The following FRK variants were observed in gnomAD, a reference collection of about 807,000 sequenced individuals.
FRK encodes tyrosine-protein kinase FRK.
In FRK, 51 loss-of-function variants were observed where a neutral mutation model predicts 56.4. The observed-to-expected ratio is 0.90, with a 90% CI of 0.72 to 1.14. The LOEUF is 1.14. Ranked by LOEUF, FRK falls within the 50% of genes most tolerant of loss-of-function variation. The probability of loss-of-function intolerance (pLI) is 0.00; values close to 1 mark genes in which losing one functional copy is unlikely to be tolerated. For missense variants in FRK, 570 were observed against 601.4 expected, an observed-to-expected ratio of 0.95 and a Z score of 0.55; for synonymous variants, 245 against 217.9, an observed-to-expected ratio of 1.12 and a Z score of -1.10.
At chr6:115,958,694 A>G (rs1164719130) in intron 4 of FRK, among the ~76,000 whole-genome samples, 3 of 5,334 alleles carry the variant, frequency 5.6e-4, no homozygotes, top group Non-Finnish European at 7.4e-4. Flanking sequence ...GAAAGAAAGA[A>G]AGAAAGAAAG....
intron 1 of FRK, among the ~76,000 whole-genome samples, chr6:116,041,742 C>T (rs185836482): frequency 1.0e-3 from 155 of 152,350 alleles, no homozygotes; most frequent in African/African-American, 3.5e-3. Flanking sequence ...CCCACAGTCT[C>T]AGAAACCCAC....
chr6:115,983,338 C>A (rs1774277894), intron 2 of FRK, among the ~76,000 whole-genome samples: 1 of 152,144 alleles, frequency 6.6e-6, no homozygotes, highest in Non-Finnish European at 1.5e-5. Context: ...TGTCAACCAG[C>A]AAGCACTTTT....
At chr6:115,973,550 G>A (rs374826442) in intron 2 of FRK, among the ~76,000 whole-genome samples, 1 of 152,110 alleles carries the variant, frequency 6.6e-6, no homozygotes, top group Admixed American at 6.6e-5. Context: ...AGAACTTAAA[G>A]TATAATGTTT....
chr6:115,951,460 T>C (rs1772746719), intron 5 of FRK, among the ~76,000 whole-genome samples: 1 of 152,150 alleles, frequency 6.6e-6, no homozygotes, highest in Admixed American at 6.5e-5. Flanking sequence ...TCTATAAGTA[T>C]TTACTGGGGG....
chr6:116,064,680 T>C (rs1291205842), upstream of FRK, among the ~76,000 whole-genome samples: 2 of 152,122 alleles, frequency 1.3e-5, no homozygotes, highest in Non-Finnish European at 2.9e-5. Flanking sequence ...CCTAACCCAG[T>C]TTTCCTGCCT....
At chr6:116,031,883 C>A (rs781600595) in intron 1 of FRK, among the ~76,000 whole-genome samples, 3 of 152,088 alleles carry the variant, frequency 2.0e-5, no homozygotes, top group Non-Finnish European at 2.9e-5. Context: ...CACATGAAAA[C>A]TGTCCCAAAC....
At chr6:116,000,238 TTTTTTTTTTTTTTTTTTTTTTTGA>T (rs1182600511) in intron 2 of FRK, among the ~76,000 whole-genome samples, 4 of 44,084 alleles carry the variant, frequency 9.1e-5, no homozygotes, top group Non-Finnish European at 1.4e-4. Context: ...TTTTTTTTTT[TTTTTTTTTTTTTTTTTTTTTTTGA>T]GACGGAGTCT....
the FRK span, among the ~76,000 whole-genome samples, chr6:116,075,374 C>T: frequency 3.4e-5 from 5 of 148,772 alleles, no homozygotes; most frequent in African/African-American, 5.0e-5. Flanking sequence ...AAAAGGCTTA[C>T]GAAAATTTTG....
chr6:116,064,996 C>A (rs77949692), upstream of FRK, among the ~76,000 whole-genome samples: 17 of 152,264 alleles, frequency 1.1e-4, no homozygotes, highest in African/African-American at 3.6e-4. Context: ...CTTCCCCTCC[C>A]AGTAAGTCTA....
intron 2 of FRK, among the ~76,000 whole-genome samples, chr6:115,976,672 C>T (rs1477868494): frequency 1.3e-5 from 2 of 152,132 alleles, no homozygotes; most frequent in African/African-American, 2.4e-5. Context: ...CAAGAACTCA[C>T]TCCCCTAATC....
chr6:116,096,162 C>T, the FRK span, among the ~76,000 whole-genome samples: 1 of 152,200 alleles, frequency 6.6e-6, no homozygotes, highest in Non-Finnish European at 1.5e-5. Flanking sequence ...CGTGGACAAA[C>T]CCACTGGCCC....
chr6:115,984,747 G>A (rs1329239035), intron 2 of FRK, among the ~76,000 whole-genome samples: 1 of 133,864 alleles, frequency 7.5e-6, no homozygotes, highest in East Asian at 2.0e-4. Context: ...AAAGTCTAAG[G>A]GGAGATTAAA....
chr6:116,071,997 A>C, the FRK span, among the ~76,000 whole-genome samples: 2 of 152,178 alleles, frequency 1.3e-5, no homozygotes, highest in Non-Finnish European at 2.9e-5. Flanking sequence ...CCCCTGCTAG[A>C]TATCAGGCAG....
chr6:115,993,247 C>T (rs995948783), intron 2 of FRK, among the ~76,000 whole-genome samples: 3 of 151,732 alleles, frequency 2.0e-5, no homozygotes, highest in Non-Finnish European at 4.4e-5. Context: ...CAGTTATCAA[C>T]TTTATCAACA....
At chr6:115,943,876 A>G (rs1177302193) in intron 6 of FRK, among the ~76,000 whole-genome samples, 2 of 152,210 alleles carry the variant, frequency 1.3e-5, no homozygotes, top group African/African-American at 2.4e-5. Flanking sequence ...GCAGCATGCA[A>G]ATTAATCTGG....
intron 4 of FRK, among the ~76,000 whole-genome samples, chr6:115,960,236 G>A (rs1375308627): frequency 2.0e-5 from 3 of 151,304 alleles, no homozygotes; most frequent in Non-Finnish European, 4.4e-5. Context: ...CACCTGGGAA[G>A]CGCAAGGGGT....
chr6:116,089,109 A>C, the FRK span, among the ~76,000 whole-genome samples: 1 of 152,204 alleles, frequency 6.6e-6, no homozygotes, highest in African/African-American at 2.4e-5. Context: ...TGCTATTACC[A>C]TCAAAATGCT....
chr6:115,960,014 G>C (rs971129046), intron 4 of FRK, among the ~76,000 whole-genome samples: 10 of 152,132 alleles, frequency 6.6e-5, no homozygotes, highest in African/African-American at 2.2e-4. Flanking sequence ...ATCCAAACAA[G>C]TTAAGAAGTA....
chr6:116,060,325 G>A lies in FRK; in HGVS notation c.-14C>T. On this transcript the variant is annotated 5_prime_UTR_variant, in exon 1 of 8. Transcript: ENST00000606080. ...GATGTTGCTCATTGTGCCTTGGTGG[G>A]GAGAAGAGGAGCAGGGCTTCTCCCT... 1 of 1,598,514 alleles carries A rather than the reference G, an allele frequency of 6.3e-7. No homozygotes were observed. The highest frequency in any genetic ancestry group is 8.6e-7 in the Non-Finnish European group (1 of 1,169,092).
Sources: allele counts gnomAD v4.1 joint callset (sites outside exome capture counted in the v4.1 genomes callset), GRCh38; gene constraint gnomAD v4.1.1; transcripts MANE v1.5; gene names NCBI Gene and HGNC (gene_info 2026-07-23, HGNC 2026-07-21).